The following UTY variants were observed in gnomAD, a reference collection of about 807,000 sequenced individuals.
The protein encoded by UTY is histone demethylase UTY.
UTY carries 12 observed loss-of-function variants against 32.5 expected under a neutral mutation model. The observed-to-expected ratio is 0.37, with a 90% CI of 0.24 to 0.60. The LOEUF is 0.60. UTY is among the 20% of genes least tolerant of loss of function. The pLI is 0.69. For missense variants in UTY, 303 were observed against 299.2 expected (o/e 1.01, Z -0.09); for synonymous variants, 131 against 103.4 (o/e 1.27, Z -1.62).
rs763725448 is a variant in UTY, at chrY:13,314,183, C to A, written c.3277-7933G>T. The stretch of plus-strand genomic sequence containing the variant: ...TTTTACAAATAAAGAAAGGGCCAGG[C>A]GCAGGTGGATCACGAAGTCAGGAGA... On this transcript the variant is annotated intron_variant, in intron 21 of 29. Transcript: ENST00000545955. Among the ~76,000 whole-genome samples, 8 of 33,332 alleles carry A rather than the reference C, an allele frequency of 2.4e-4. No homozygotes were observed. The South Asian group carries it at 5.4e-3, about 22-fold the overall frequency. 89.4% of individuals were successfully genotyped at this position (33,332 alleles called of 37,273 possible). A position where few individuals can be genotyped will look rare whatever the true frequency, so the allele number is the denominator to read the frequency against.
chrY:13,360,944 A>C, intron 10 of UTY, among the ~76,000 whole-genome samples: 1 of 33,437 alleles, frequency 3.0e-5, no homozygotes, highest in African/African-American at 1.2e-4. Context: ...CCTTCCACTT[A>C]GTAACACTCA....
chrY:13,293,542 C>T, intron 27 of UTY, among the ~76,000 whole-genome samples: 1 of 33,164 alleles, frequency 3.0e-5, no homozygotes, highest in Admixed American at 2.8e-4. Flanking sequence ...TGGTCTTGAT[C>T]TCTTGACCTC....
intron 19 of UTY, among the ~76,000 whole-genome samples, chrY:13,324,911 A>T: frequency 3.0e-5 from 1 of 33,163 alleles, no homozygotes; most frequent in Non-Finnish European, 7.5e-5. Context: ...TCTTGTCAGG[A>T]AAGTGTGGAG....
chrY:13,236,945 A>T (rs756927137), intron 28 of UTY, among the ~76,000 whole-genome samples: 22 of 33,434 alleles, frequency 6.6e-4, no homozygotes, highest in Admixed American at 1.1e-3. Context: ...AAATTTTTTT[A>T]AAAAAAAGAT....
chrY:13,472,221 C>A (rs978410007), intron 2 of UTY, among the ~76,000 whole-genome samples: 2 of 31,357 alleles, frequency 6.4e-5, no homozygotes, highest in African/African-American at 2.5e-4. Context: ...CCCTGGGTGA[C>A]ACAGCAAGAC....
intron 2 of UTY, among the ~76,000 whole-genome samples, chrY:13,473,571 C>G (rs2078739242): frequency 3.0e-5 from 1 of 32,878 alleles, no homozygotes; most frequent in Non-Finnish European, 7.5e-5. Context: ...AAGGGATACA[C>G]CCCCTGAAAA....
intron 27 of UTY, among the ~76,000 whole-genome samples, chrY:13,270,491 C>A: frequency 3.0e-5 from 1 of 32,808 alleles, no homozygotes; most frequent in Non-Finnish European, 7.5e-5. Context: ...GATTCCCATA[C>A]AGGGAGTCTC....
intron 16 of UTY, 186 bp downstream of exon 16, chrY:13,355,737 G>A: frequency 3.1e-6 from 1 of 323,808 alleles, no homozygotes; most frequent in Non-Finnish European, 4.2e-6. Flanking sequence ...AAGTTAATCT[G>A]AGTATATTTC....
intron 8 of UTY, among the ~76,000 whole-genome samples, chrY:13,388,752 G>A (rs2149481612): frequency 3.1e-5 from 1 of 32,102 alleles, no homozygotes; most frequent in East Asian, 8.4e-4. Flanking sequence ...AAATACCCAC[G>A]TGTCAAGGGA....
chrY:13,423,424 C>T (rs2072867063), intron 4 of UTY, among the ~76,000 whole-genome samples: 2 of 30,538 alleles, frequency 6.5e-5, no homozygotes, highest in Admixed American at 5.3e-4. Flanking sequence ...GTCAGCAGAA[C>T]AAGCCAAAAG....
intron 8 of UTY, among the ~76,000 whole-genome samples, chrY:13,386,139 C>T (rs2066717185): frequency 8.6e-5 from 1 of 11,607 alleles, no homozygotes; most frequent in South Asian, 2.8e-3. Flanking sequence ...CTCGCTCTGT[C>T]GCCCAGGCTG....
intron 4 of UTY, among the ~76,000 whole-genome samples, chrY:13,424,812 T>C (rs2073086057): frequency 3.0e-5 from 1 of 33,379 alleles, no homozygotes; most frequent in East Asian, 7.8e-4. Flanking sequence ...TCTAAAAACA[T>C]AGGAAAAGCT....
chrY:13,303,165 T>A (rs1023509177), intron 24 of UTY, among the ~76,000 whole-genome samples, 174 bp from the exon 25 acceptor site: 12 of 33,871 alleles, frequency 3.5e-4, no homozygotes, highest in Non-Finnish European at 7.3e-4. Context: ...TCCTTCTCTA[T>A]AAACGACTTC....
intron 27 of UTY, among the ~76,000 whole-genome samples, chrY:13,285,028 G>C (rs1009837792): frequency 2.9e-5 from 1 of 34,391 alleles, no homozygotes; most frequent in Non-Finnish European, 7.3e-5. Flanking sequence ...ATCCCTGCGG[G>C]TCTGCCCCTG....
rs199629855 is a variant in UTY, at chrY:13,373,989, C to T, written c.646-4640G>A. Reference sequence around the variant, plus strand: ...ACTCCCCATTCTCTTCTGACTGCAGCCCCTGGTAACCTTTACTTTAGATCT... The same window carrying T: ...ACTCCCCATTCTCTTCTGACTGCAGTCCCTGGTAACCTTTACTTTAGATCT... On this transcript the variant is annotated intron_variant, in intron 8 of 29. Transcript: ENST00000545955. Among the ~76,000 whole-genome samples the T allele has an allele frequency of 1.9e-3, 64 of 34,081 alleles. No homozygotes were observed. The East Asian group carries it at 0.047, about 25-fold the overall frequency. The allele number at this position is 34,081 out of a possible 37,273, so 91.4% of individuals were successfully genotyped here.
chrY:13,342,215 C>A, intron 17 of UTY, among the ~76,000 whole-genome samples: 1 of 33,179 alleles, frequency 3.0e-5, no homozygotes, highest in Non-Finnish European at 7.4e-5. Context: ...CAGTGCGAAT[C>A]GGTCAGCATC....
chrY:13,324,217 GT>G (rs2060036748), intron 20 of UTY, among the ~76,000 whole-genome samples: 17 of 27,505 alleles, frequency 6.2e-4, no homozygotes, highest in Non-Finnish European at 1.2e-3. Flanking sequence ...TTCTCCAAAA[GT>G]TTTTTTTTTT....
intron 5 of UTY, among the ~76,000 whole-genome samples, 161 bp from the exon 6 acceptor site, chrY:13,411,274 G>C (rs2070923656): frequency 3.0e-5 from 1 of 33,548 alleles, no homozygotes; most frequent in African/African-American, 1.2e-4. Context: ...ATAAGAAAGT[G>C]CATAATCCTT....
chrY:13,275,775 T>A, intron 27 of UTY, among the ~76,000 whole-genome samples: 1 of 34,344 alleles, frequency 2.9e-5, no homozygotes, highest in South Asian at 6.4e-4. Context: ...CTTCCTCCTT[T>A]AAATCTGAAG....
Sources: allele counts gnomAD v4.1 joint callset (sites outside exome capture counted in the v4.1 genomes callset), GRCh38; gene constraint gnomAD v4.1.1; transcripts MANE v1.5; gene names NCBI Gene and HGNC (gene_info 2026-07-23, HGNC 2026-07-21).